The following FBXL20 variants were observed in gnomAD, a reference collection of about 807,000 sequenced individuals.
The protein encoded by FBXL20 is F-box and leucine rich repeat protein 20, also known as F-box/LRR-repeat protein 20.
A neutral mutation model predicts 64.0 loss-of-function variants in FBXL20; 11 were observed. That is an observed-to-expected ratio of 0.17 (90% CI 0.11 to 0.28). The LOEUF (loss-of-function observed/expected upper bound fraction) is 0.28. Ranked by LOEUF, FBXL20 falls within the 10% of genes least tolerant of loss-of-function variation. The pLI is 1.00. For synonymous variants in FBXL20, 184 were observed against 189.0 expected (o/e 0.97, Z 0.22); for missense variants, 303 against 526.2 (o/e 0.58, Z 4.15).
intron 2 of FBXL20, among the ~76,000 whole-genome samples, chr17:39,336,719 G>C (rs1047182783): frequency 8.6e-5 from 13 of 151,828 alleles, no homozygotes; most frequent in Non-Finnish European, 1.3e-4. Flanking sequence ...AGCTACTCAG[G>C]AGGCCGAGGC....
chr17:39,347,839 T>A (rs1158521526), intron 1 of FBXL20, among the ~76,000 whole-genome samples: 1 of 152,152 alleles, frequency 6.6e-6, no homozygotes, highest in African/African-American at 2.4e-5. Flanking sequence ...AACATTTAAG[T>A]CTTTAATCCA....
Position 39,343,152 on chromosome 17 carries a change from AACCCATAAAATT to A in FBXL20, c.104+16_104+27del. On this transcript the variant is annotated intron_variant, in intron 2 of 14. Coordinates refer to ENST00000264658, the MANE Select transcript of FBXL20 (RefSeq NM_032875.3). ...GGCAAATATGACATACACATAAAAA[AACCCATAAAATT>A]AGCATTCAGACTTACCGTAACAGGA... 1.3e-6 allele frequency: 2 copies of A among 1,550,412 alleles called. No homozygotes were observed. The highest frequency in any genetic ancestry group is 1.7e-6 in the Non-Finnish European group (2 of 1,147,586).
rs2047894197 is a variant in FBXL20, at chr17:39,369,515, C to T, written c.43-26274G>A. On this transcript the variant is annotated intron_variant, in intron 1 of 14. Coordinates refer to ENST00000264658, the MANE Select transcript of FBXL20 (RefSeq NM_032875.3). ...GTGATCTGCCAGCCACCATACCCAG[C>T]TAATTTTTAGTATTTTTAGAAGAGA... Among the ~76,000 whole-genome samples the T allele has an allele frequency of 2.0e-5, 3 of 152,020 alleles. No homozygotes were observed. The South Asian group carries it at 6.2e-4, about 32-fold the overall frequency.
intron 2 of FBXL20, among the ~76,000 whole-genome samples, chr17:39,313,291 T>C (rs1300836113): frequency 1.3e-5 from 2 of 151,864 alleles, no homozygotes; most frequent in African/African-American, 4.8e-5. Flanking sequence ...TGGGGTGCAA[T>C]GGCGCAATCT....
chr17:39,347,229 T>C (rs2047642347), intron 1 of FBXL20, among the ~76,000 whole-genome samples: 2 of 152,178 alleles, frequency 1.3e-5, no homozygotes, highest in Admixed American at 6.5e-5. Flanking sequence ...CTGGGTCAAA[T>C]GGTTATTTCT....
intron 1 of FBXL20, among the ~76,000 whole-genome samples, chr17:39,373,403 G>A (rs1295932181): frequency 6.6e-6 from 1 of 152,100 alleles, no homozygotes; most frequent in African/African-American, 2.4e-5. Context: ...GCTTGATTTG[G>A]TATAGGACTG....
intron 2 of FBXL20, among the ~76,000 whole-genome samples, chr17:39,325,433 G>A (rs1157042486): frequency 6.6e-6 from 1 of 152,016 alleles, no homozygotes; most frequent in Non-Finnish European, 1.5e-5. Context: ...TAACCTTCCA[G>A]GTACAATTAT....
chr17:39,322,120 G>A (rs944559888), intron 2 of FBXL20, among the ~76,000 whole-genome samples: 32 of 126,476 alleles, frequency 2.5e-4, no homozygotes, highest in Admixed American at 4.8e-4. Context: ...GAGGGTAGAA[G>A]TTCGTGATCA....
chr17:39,396,597 A>C (rs2048185752), intron 1 of FBXL20, among the ~76,000 whole-genome samples: 2 of 67,246 alleles, frequency 3.0e-5, no homozygotes, highest in African/African-American at 1.9e-4. Context: ...ACTCCGTCTC[A>C]AAAAAAAAAA....
intron 1 of FBXL20, among the ~76,000 whole-genome samples, chr17:39,346,247 G>A (rs1473857471): frequency 1.3e-5 from 2 of 152,166 alleles, no homozygotes; most frequent in Admixed American, 6.6e-5. Context: ...GTGCTGGGGT[G>A]GGAGGATCAC....
At chr17:39,272,069 C>T (rs889625740) in intron 10 of FBXL20, among the ~76,000 whole-genome samples, 1 of 151,742 alleles carries the variant, frequency 6.6e-6, no homozygotes, top group African/African-American at 2.4e-5. Context: ...GGCAACATAC[C>T]AAGACTTCAC....
chr17:39,357,058 G>A (rs1254096702), intron 1 of FBXL20, among the ~76,000 whole-genome samples: 3 of 151,080 alleles, frequency 2.0e-5, no homozygotes, highest in African/African-American at 4.9e-5. Flanking sequence ...GTGGATCACC[G>A]AGGTTGGGAG....
At chr17:39,306,574 A>G (rs1419763585) in intron 2 of FBXL20, among the ~76,000 whole-genome samples, 1 of 152,152 alleles carries the variant, frequency 6.6e-6, no homozygotes, top group Non-Finnish European at 1.5e-5. Context: ...ATATATGTGA[A>G]GGTTTATTTC....
chr17:39,370,567 A>C (rs1208254869), intron 1 of FBXL20, among the ~76,000 whole-genome samples: 3 of 151,448 alleles, frequency 2.0e-5, no homozygotes, highest in African/African-American at 7.3e-5. Flanking sequence ...CGGGCGGATC[A>C]CAAGGTCAGG....
At chr17:39,363,761 TGA>T (rs954751811) in intron 1 of FBXL20, among the ~76,000 whole-genome samples, 3 of 132,226 alleles carry the variant, frequency 2.3e-5, no homozygotes, top group Non-Finnish European at 3.1e-5. Context: ...CAATGAGCTG[TGA>T]TCTGGCCACT....
intron 1 of FBXL20, among the ~76,000 whole-genome samples, chr17:39,379,684 G>T (rs188230121): frequency 1.3e-5 from 2 of 152,140 alleles, no homozygotes; most frequent in Non-Finnish European, 2.9e-5. Flanking sequence ...GGAGGCTGAG[G>T]TGGAAGGATC....
intron 1 of FBXL20, among the ~76,000 whole-genome samples, chr17:39,378,059 T>C (rs1209495424): frequency 6.6e-6 from 1 of 151,956 alleles, no homozygotes; most frequent in Non-Finnish European, 1.5e-5. Flanking sequence ...GATTTTAAGG[T>C]CACAAATGAC....
intron 2 of FBXL20, among the ~76,000 whole-genome samples, chr17:39,308,768 T>C (rs1363357876): frequency 1.3e-5 from 2 of 151,828 alleles, no homozygotes; most frequent in Non-Finnish European, 2.9e-5. Context: ...GGTTTCACTG[T>C]GTTAATCAGG....
At chr17:39,339,861 T>C (rs944861254) in intron 2 of FBXL20, among the ~76,000 whole-genome samples, 2 of 152,024 alleles carry the variant, frequency 1.3e-5, no homozygotes, top group African/African-American at 4.8e-5. Context: ...TTGGCCAGGA[T>C]GGTCTTGATC....
Sources: allele counts gnomAD v4.1 joint callset (sites outside exome capture counted in the v4.1 genomes callset), GRCh38; gene constraint gnomAD v4.1.1; transcripts MANE v1.5; gene names NCBI Gene and HGNC (gene_info 2026-07-23, HGNC 2026-07-21).